Variants in DIAPH2 observed in about 807,000 individuals in gnomAD.
DIAPH2 encodes protein diaphanous homolog 2.
DIAPH2 carries 35 observed loss-of-function variants against 92.7 expected under a neutral mutation model. That is an observed-to-expected ratio of 0.38 (90% CI 0.29 to 0.50). DIAPH2 has a LOEUF of 0.50. Ranked by LOEUF, DIAPH2 falls within the 20% of genes least tolerant of loss-of-function variation. DIAPH2 has a pLI of 0.94. For missense variants in DIAPH2, 701 were observed against 819.5 expected, an observed-to-expected ratio of 0.86 and a Z score of 1.77; for synonymous variants, 301 against 280.4, an observed-to-expected ratio of 1.07 and a Z score of -0.73.
chrX:97,055,830 CTAT>C (rs1178642491), intron 17 of DIAPH2, among the ~76,000 whole-genome samples: 1 of 111,480 alleles, frequency 9.0e-6, no homozygotes, highest in Non-Finnish European at 1.9e-5. Context: ...AAGAAAAAAA[CTAT>C]TAGTAATTTA....
rs1167336881 is a variant in DIAPH2, at chrX:97,334,484, A to AACAAAAC, written c.2845-13628_2845-13627insAACACAA. The stretch of plus-strand genomic sequence containing the variant: ...TCTCAAAAAAAAAAAAAAAACAAAA[A>AACAAAAC]ACAATTCTAGATACATTGAGACCTT... On this transcript the variant is annotated intron_variant, in intron 23 of 26. Transcript: ENST00000324765. 5.1e-3 allele frequency among the ~76,000 whole-genome samples: 544 copies of AACAAAAC among 106,401 alleles called. 3 individuals are homozygous for AACAAAAC. The highest frequency in any genetic ancestry group is 0.018 in the African/African-American group (515 of 29,266). 92.4% of individuals were successfully genotyped at this position (106,401 alleles called of 115,157 possible).
At chrX:97,367,779 T>C (rs1289252148) in intron 24 of DIAPH2, among the ~76,000 whole-genome samples, 1 of 108,527 alleles carries the variant, frequency 9.2e-6, no homozygotes, top group Non-Finnish European at 1.9e-5. Flanking sequence ...CTCGGTTCAC[T>C]GCAACCTCTG....
chrX:97,231,199 G>A (rs2068006424), intron 22 of DIAPH2, among the ~76,000 whole-genome samples: 2 of 108,585 alleles, frequency 1.8e-5, no homozygotes, highest in African/African-American at 6.7e-5. Context: ...TTGTTTACTG[G>A]GCTTTTTTGG....
intron 26 of DIAPH2, among the ~76,000 whole-genome samples, chrX:97,584,884 C>T (rs190031595): frequency 3.5e-5 from 4 of 112,733 alleles, no homozygotes; most frequent in African/African-American, 1.3e-4. Context: ...CCGTATAATA[C>T]AACTGATCAT....
chrX:97,597,905 A>G (rs1174759424), intron 26 of DIAPH2, among the ~76,000 whole-genome samples: 1 of 111,241 alleles, frequency 9.0e-6, no homozygotes, highest in Non-Finnish European at 1.9e-5. Flanking sequence ...CCTCTCAGTG[A>G]TATTATTGCA....
chrX:97,092,481 G>T (rs1320212005), intron 19 of DIAPH2, among the ~76,000 whole-genome samples: 1 of 112,362 alleles, frequency 8.9e-6, no homozygotes, highest in Non-Finnish European at 1.9e-5. Flanking sequence ...AAAAGTGTTA[G>T]CTTGCCAGAT....
At chrX:97,018,947 C>A (rs1252864674) in intron 17 of DIAPH2, among the ~76,000 whole-genome samples, 1 of 111,696 alleles carries the variant, frequency 9.0e-6, no homozygotes, top group Non-Finnish European at 1.9e-5. Context: ...AACCACTGGT[C>A]ATTTTTCTGT....
intron 13 of DIAPH2, 108 bp downstream of exon 13, chrX:96,942,244 T>G: frequency 2.0e-6 from 1 of 503,184 alleles, no homozygotes; most frequent in Non-Finnish European, 3.5e-6. Flanking sequence ...CTTACTGAAC[T>G]TCTATTCATA....
At chrX:96,758,707 CTT>C (rs1490314613) in intron 4 of DIAPH2, among the ~76,000 whole-genome samples, 1 of 111,744 alleles carries the variant, frequency 8.9e-6, no homozygotes. Context: ...TCGCAGTTAG[CTT>C]TTTTCATAAT....
chrX:97,216,557 T>A (rs1339231893), intron 22 of DIAPH2, among the ~76,000 whole-genome samples: 1 of 110,117 alleles, frequency 9.1e-6, no homozygotes, highest in African/African-American at 3.3e-5. Flanking sequence ...CTTCCCGCCT[T>A]GGCCTCCCAA....
intron 4 of DIAPH2, among the ~76,000 whole-genome samples, chrX:96,803,865 C>G (rs774781422): frequency 1.7e-4 from 19 of 111,146 alleles, no homozygotes; most frequent in Admixed American, 5.7e-4. Flanking sequence ...TGGTGAAACC[C>G]CGTCTCTACT....
At chrX:96,943,892 C>T (rs768523908) in intron 13 of DIAPH2, among the ~76,000 whole-genome samples, 16 of 111,242 alleles carry the variant, frequency 1.4e-4, no homozygotes, top group East Asian at 8.4e-4. Context: ...GTCATCTCTG[C>T]GACTGTGAAC....
chrX:96,745,733 G>GT (rs1409850876), intron 3 of DIAPH2, among the ~76,000 whole-genome samples: 1 of 111,750 alleles, frequency 8.9e-6, no homozygotes, highest in Non-Finnish European at 1.9e-5. Context: ...GAGTAGTCTG[G>GT]TTTTACTAGT....
rs899357674 is a variant in DIAPH2 at position 96,781,471 on chromosome X, C to G, written c.447+23213C>G. The stretch of plus-strand genomic sequence containing the variant: ...TAATAGAGGGTTATCCTTATTACCT[C>G]CACCACATTCACTATCCATTTTATA... On this transcript the variant is annotated intron_variant, in intron 4 of 26. Coordinates refer to ENST00000324765, the MANE Select transcript of DIAPH2 (RefSeq NM_006729.5). Among the ~76,000 whole-genome samples, 3 of 111,514 alleles carry G rather than the reference C, an allele frequency of 2.7e-5. No individual in the cohort carries two copies. The Admixed American group carries it at 2.9e-4, about 11-fold the overall frequency.
chrX:97,012,940 T>G (rs1303789163), intron 17 of DIAPH2, among the ~76,000 whole-genome samples: 2 of 111,926 alleles, frequency 1.8e-5, no homozygotes, highest in Non-Finnish European at 3.8e-5. Context: ...TACAGTTTCT[T>G]CACACCACTT....
chrX:97,356,352 A>C lies in DIAPH2; in HGVS notation c.3009+8072A>C, dbSNP rs779307562. Among the ~76,000 whole-genome samples, 3 of 111,689 alleles carry C rather than the reference A, an allele frequency of 2.7e-5. No individual in the cohort carries two copies. The South Asian group carries it at 1.1e-3, about 42-fold the overall frequency. On this transcript the variant is annotated intron_variant, in intron 24 of 26. Transcript: ENST00000324765. The stretch of plus-strand genomic sequence containing the variant: ...AGCATAAATCGTTTCATGCAAATAG[A>C]GCCCTAAGGGCCCACCAACTCTCTC...
intron 17 of DIAPH2, among the ~76,000 whole-genome samples, chrX:97,015,787 G>GAAAAAAAAAAAAAAAA: frequency 3.0e-5 from 1 of 33,616 alleles, no homozygotes; most frequent in Non-Finnish European, 5.5e-5. Context: ...GACGCCATCT[G>GAAAAAAAAAAAAAAAA]AAAAAAAAAA....
chrX:97,111,399 A>C (rs1454253383), intron 20 of DIAPH2, among the ~76,000 whole-genome samples: 1 of 111,703 alleles, frequency 9.0e-6, no homozygotes, highest in Non-Finnish European at 1.9e-5. Flanking sequence ...ACTGGAATTT[A>C]AGTAGCAGCA....
chrX:97,064,460 G>A (rs2066620563), intron 17 of DIAPH2, among the ~76,000 whole-genome samples: 1 of 109,793 alleles, frequency 9.1e-6, no homozygotes, highest in African/African-American at 3.3e-5. Flanking sequence ...CCAGTTCTTT[G>A]TACATAAGTT....
Sources: gnomAD v4.1 joint callset for allele counts (sites outside exome capture counted in the v4.1 genomes callset) on GRCh38, gnomAD v4.1.1 for gene constraint, MANE v1.5 for transcripts, NCBI Gene and HGNC (gene_info 2026-07-23, HGNC 2026-07-21) for gene names.